INPP5B: variants seen among roughly 807,000 people sequenced by gnomAD.
INPP5B encodes the protein type II inositol 1,4,5-trisphosphate 5-phosphatase.
A neutral mutation model predicts 118.5 loss-of-function variants in INPP5B; 90 were observed. The ratio of observed to expected loss-of-function variants is 0.76; its 90% CI spans 0.64 to 0.90. INPP5B has a LOEUF of 0.90. Ranked by LOEUF, INPP5B falls within the 40% of genes least tolerant of loss-of-function variation. INPP5B has a pLI of 0.00. For synonymous variants in INPP5B, 385 were observed against 418.9 expected (o/e 0.92, Z 0.99); for missense variants, 984 against 1,125.6 (o/e 0.87, Z 1.80).
In INPP5B at chr1:37,866,446, G is replaced by A. The variant is rs1156978493; in HGVS notation, c.2386+13C>T. On this transcript the variant is annotated intron_variant, in intron 21 of 23. Transcript: ENST00000373024. Reference sequence around the variant, plus strand: ...CACACACACACACACAGAGCTGAATGTCTGAAGGATACAGAGGTTATCAAT... The same window carrying A: ...CACACACACACACACAGAGCTGAATATCTGAAGGATACAGAGGTTATCAAT... 2 of 1,180,040 alleles carry A rather than the reference G, an allele frequency of 1.7e-6. No individual in the cohort carries two copies. The highest frequency in any genetic ancestry group is 1.7e-5 in the African/African-American group (1 of 60,050). The allele number at this position is 1,180,040 out of a possible 1,614,324, so 73.1% of individuals were successfully genotyped here. A position where few individuals can be genotyped will look rare whatever the true frequency, so the allele number is the denominator to read the frequency against.
chr1:37,921,875 C>T (rs1037517080), intron 7 of INPP5B, among the ~76,000 whole-genome samples: 9 of 151,994 alleles, frequency 5.9e-5, no homozygotes, highest in African/African-American at 9.7e-5. Flanking sequence ...GGCGTGGTGG[C>T]GGGCACCTGT....
intron 3 of INPP5B, 77 bp downstream of exon 3, chr1:37,945,679 A>G: frequency 1.0e-6 from 1 of 974,632 alleles, no homozygotes. Context: ...CTGGAGGGAC[A>G]GTTGAAGTTC....
At chr1:37,866,355 CT>C in intron 21 of INPP5B, 103 bp downstream of exon 21, 1 of 661,684 alleles carries the variant, frequency 1.5e-6, no homozygotes, top group South Asian at 1.8e-5. Context: ...CCATAAAATA[CT>C]TTACTTTTTC....
chr1:37,885,573 A>T, intron 13 of INPP5B, 65 bp downstream of exon 13: 1 of 1,453,690 alleles, frequency 6.9e-7, no homozygotes, highest in Non-Finnish European at 9.5e-7. Flanking sequence ...TCTCCCCATG[A>T]AAAGACAGAG....
chr1:37,871,561 A>G (rs1642441456), intron 19 of INPP5B, among the ~76,000 whole-genome samples: 1 of 152,152 alleles, frequency 6.6e-6, no homozygotes, highest in African/African-American at 2.4e-5. Context: ...TGAGGTCAGG[A>G]GTTCAAGACC....
At chr1:37,931,794 C>A (rs954815702) in intron 7 of INPP5B, 119 bp downstream of exon 7, 1 of 1,606,852 alleles carries the variant, frequency 6.2e-7, no homozygotes. Context: ...CCCCGTGTGC[C>A]CGCTCCATCA....
rs1468311947 is a variant in INPP5B at position 37,886,689 on chromosome 1, A to T, written c.1131+199T>A. Among the ~76,000 whole-genome samples the T allele has an allele frequency of 2.6e-5, 4 of 152,348 alleles. No homozygotes were observed. In the East Asian group the frequency reaches 7.7e-4, roughly 29 times the overall value. Reference sequence around the variant, plus strand: ...GTTGGGGAATATGAGGACAGGCGCTAATTGGTTAAATCAGCAGGTAGTTCA... The same window carrying T: ...GTTGGGGAATATGAGGACAGGCGCTTATTGGTTAAATCAGCAGGTAGTTCA... On this transcript the variant is annotated intron_variant, in intron 12 of 23. Transcript: ENST00000373024.
intron 7 of INPP5B, among the ~76,000 whole-genome samples, chr1:37,910,060 T>C (rs2148596592): frequency 6.6e-6 from 1 of 152,274 alleles, no homozygotes; most frequent in Non-Finnish European, 1.5e-5. Context: ...CCAGAGCCCC[T>C]GGAACTCTGG....
At chr1:37,918,477 C>T (rs546609000) in intron 7 of INPP5B, among the ~76,000 whole-genome samples, 1 of 152,316 alleles carries the variant, frequency 6.6e-6, no homozygotes, top group African/African-American at 2.4e-5. Flanking sequence ...GAAGCCCAGC[C>T]TCAACTCCCA....
At chr1:37,911,434 AT>A (rs1644695244) in intron 7 of INPP5B, among the ~76,000 whole-genome samples, 1 of 151,780 alleles carries the variant, frequency 6.6e-6, no homozygotes. Flanking sequence ...ATTTCCCCAT[AT>A]TTCCTTCTTT....
intron 7 of INPP5B, among the ~76,000 whole-genome samples, chr1:37,891,837 C>A (rs72919773): frequency 0.014 from 2,108 of 152,250 alleles, 44 homozygotes; most frequent in African/African-American, 0.048. Context: ...AATATACAGA[C>A]AACAGCTTCG....
At chr1:37,865,628 AAG>A (rs778785114) in intron 22 of INPP5B, 131 bp downstream of exon 22, 1 of 967,132 alleles carries the variant, frequency 1.0e-6, no homozygotes, top group South Asian at 1.6e-5. Context: ...ACATAAGAGA[AAG>A]AGCAGGTTTG....
intron 6 of INPP5B, among the ~76,000 whole-genome samples, chr1:37,935,969 G>A (rs1645672293): frequency 3.3e-5 from 5 of 152,130 alleles, no homozygotes; most frequent in African/African-American, 1.2e-4. Flanking sequence ...GGGAGGCTGA[G>A]GCAGGAGAAT....
chr1:37,868,501 C>T lies in INPP5B; in HGVS notation c.2301G>A (p.Gln767=). 2 of 1,608,646 alleles carry T rather than the reference C, an allele frequency of 1.2e-6. No homozygotes were observed. The highest frequency in any genetic ancestry group is 2.2e-5 in the South Asian group (2 of 90,950). ...GTCTGAATGCTTAAACACAACCTAC[C>T]TGCTGGACAGCATTTCGGTACAGGT... The part of the protein sequence containing the change: ...VDYLYRNAVQ[Q]EDLFQQPGLR... Residue 767 remains glutamine, a splice_region_variant and synonymous_variant, in exon 20 of 24, where the codon CAG becomes CAA. Coordinates refer to ENST00000373024, the MANE Select transcript of INPP5B (RefSeq NM_005540.3).
At chr1:37,916,974 T>C (rs1331007719) in intron 7 of INPP5B, among the ~76,000 whole-genome samples, 2 of 151,590 alleles carry the variant, frequency 1.3e-5, no homozygotes, top group East Asian at 2.0e-4. Context: ...AACTGTGTTG[T>C]CCAATATATA....
intron 7 of INPP5B, among the ~76,000 whole-genome samples, chr1:37,914,972 G>A (rs150751946): frequency 2.1e-4 from 32 of 152,226 alleles, no homozygotes; most frequent in Middle Eastern, 3.4e-3. Context: ...CTTTCATGCC[G>A]ACAATTGAAA....
intron 7 of INPP5B, among the ~76,000 whole-genome samples, chr1:37,926,504 G>C (rs1645235663): frequency 6.6e-6 from 1 of 152,118 alleles, no homozygotes; most frequent in Non-Finnish European, 1.5e-5. Context: ...GGATGGTCTT[G>C]AACTCCTGAC....
At chr1:37,936,865 C>T (rs1645714721) in intron 6 of INPP5B, among the ~76,000 whole-genome samples, 2 of 151,792 alleles carry the variant, frequency 1.3e-5, no homozygotes, top group South Asian at 2.1e-4. Flanking sequence ...CCGTGCCTGG[C>T]CTGGAGTAGA....
At chr1:37,932,162 G>C (rs551341820) in intron 6 of INPP5B, 109 bp from the exon 7 acceptor site, 8 of 868,946 alleles carry the variant, frequency 9.2e-6, no homozygotes, top group Non-Finnish European at 9.4e-6. Flanking sequence ...CGCACAGAAG[G>C]GTTCTGTGCG....
Sources: gnomAD v4.1 joint callset for allele counts (sites outside exome capture counted in the v4.1 genomes callset) on GRCh38, gnomAD v4.1.1 for gene constraint, MANE v1.5 for transcripts, NCBI Gene and HGNC (gene_info 2026-07-23, HGNC 2026-07-21) for gene names.